Variants in FLNC observed in about 807,000 individuals in gnomAD.
FLNC encodes filamin-C.
In FLNC, 91 loss-of-function variants were observed where a neutral mutation model predicts 254.3. The ratio of observed to expected loss-of-function variants is 0.36; its 90% confidence interval spans 0.30 to 0.43. The LOEUF (loss-of-function observed/expected upper bound fraction) is 0.43, where lower values mean the gene tolerates loss of function less well. FLNC is among the 20% of genes least tolerant of loss of function. The pLI, the probability that FLNC is intolerant of heterozygous loss-of-function variation, is 1.00. For synonymous variants in FLNC, 1,430 were observed against 1,577.2 expected (o/e 0.91, Z 2.21); for missense variants, 2,853 against 3,802.6 (o/e 0.75, Z 6.57).
At chr7:128,839,075 A>C (rs910731014) in intron 8 of FLNC, among the ~76,000 whole-genome samples, 2 of 152,186 alleles carry the variant, frequency 1.3e-5, no homozygotes, top group African/African-American at 4.8e-5. Flanking sequence ...CCAAGCCCTC[A>C]GGTGGTGACT....
rs78407667 is a variant in FLNC at position 128,853,370 on chromosome 7, G to C, written c.6209-99G>C. On this transcript the variant is annotated intron_variant, in intron 37 of 47. Coordinates refer to ENST00000325888, the MANE Select transcript of FLNC (RefSeq NM_001458.5). Reference sequence around the variant, plus strand: ...TTTGTTAGTGGTCACTACACACATCGGTGCCCATTCTGGGTGGAGCCTGCA... The same window carrying C: ...TTTGTTAGTGGTCACTACACACATCCGTGCCCATTCTGGGTGGAGCCTGCA... 37 of 1,463,758 alleles carry C rather than the reference G, an allele frequency of 2.5e-5. 1 individual carries two copies. Among genetic ancestry groups the C allele is most frequent in the Middle Eastern group, 4.5e-4 (2 of 4,438 alleles). The allele number at this position is 1,463,758 out of a possible 1,614,324, so 90.7% of individuals were successfully genotyped here.
intron 18 of FLNC, 53 bp downstream of exon 18, chr7:128,843,630 G>A (rs894293283): frequency 1.2e-6 from 2 of 1,601,162 alleles, no homozygotes; most frequent in African/African-American, 2.7e-5. Flanking sequence ...AGAGCCCTGG[G>A]TCTCCCTCCT....
rs760533029 is a variant in FLNC at position 128,856,568 on chromosome 7, C to T, written c.7302C>T (p.Asn2434=). The T allele has an allele frequency of 8.1e-6, 13 of 1,612,798 alleles. No homozygotes were observed. Among genetic ancestry groups the T allele is most frequent in the Middle Eastern group, 1.6e-4 (1 of 6,084 alleles). ...CAGCGTCCTTTGCCGTGCAGCTGAA[C>T]GGTGCCCGGGGCGTGATTGATGCCC... The part of the protein sequence containing the change: ...NQPASFAVQL[N]GARGVIDARV... Residue 2434 remains asparagine (N), a synonymous_variant, in exon 44 of 48, where the codon AAC becomes AAT. Coordinates refer to ENST00000325888, the MANE Select transcript of FLNC (RefSeq NM_001458.5). The surrounding 1 kb of genome is among the most constrained non-coding windows in gnomAD (Gnocchi z 5.9).
intron 20 of FLNC, 142 bp downstream of exon 20, chr7:128,844,408 C>T: frequency 5.5e-6 from 6 of 1,084,188 alleles, no homozygotes; most frequent in Non-Finnish European, 7.8e-6. Context: ...AGCCCCACCC[C>T]ACCACCTGCC....
At position 128,841,408 on chromosome 7, in the gene FLNC, C is replaced by T; in HGVS notation, c.2007+45C>T. ...ACACCTGCCCCGGGGGTGGGGCAAG[C>T]TGGTTCTCCTCCCCTCCCCAACTCA... On this transcript the variant is annotated intron_variant, in intron 12 of 47. Coordinates refer to ENST00000325888, the MANE Select transcript of FLNC (RefSeq NM_001458.5). The surrounding 1 kb of genome is among the most constrained non-coding windows in gnomAD (Gnocchi z 4.3). 6.2e-7 allele frequency: 1 copy of T among 1,612,236 alleles called. No individual in the cohort carries two copies. Among genetic ancestry groups the T allele is most frequent in the East Asian group, 2.2e-5 (1 of 44,878 alleles).
Position 128,849,450 on chromosome 7 carries a change from G to C in FLNC, c.5071G>C (p.Asp1691His). The change falls in exon 30 of 48, where the codon GAT (aspartate) becomes CAT (histidine). Residue 1691 changes from aspartate to histidine, a missense_variant. Around this residue, in one of 10 missense-constraint regions of FLNC, gnomAD observed 258 missense variants for 312.3 expected, o/e 0.83. Transcript: ENST00000325888. ...TVSTPDGAEL[D>H]VDVVENHDGT... ...GTCCACGCCGGATGGGGCAGAGCTC[G>C]ATGTGGATGTGGTTGAGAACCATGA... is the stretch of plus-strand genomic sequence containing the variant. 6.2e-7 allele frequency: 1 copy of C among 1,614,228 alleles called. No individual in the cohort carries two copies. The highest frequency in any genetic ancestry group is 8.5e-7 in the Non-Finnish European group (1 of 1,180,042).
At chr7:128,833,307 T>G (rs1230573453) in intron 1 of FLNC, among the ~76,000 whole-genome samples, 1 of 152,056 alleles carries the variant, frequency 6.6e-6, no homozygotes, top group Non-Finnish European at 1.5e-5. Flanking sequence ...AGCCCTCTCC[T>G]CCCCCTCCAT....
chr7:128,845,918 G>A (rs1808542986), intron 21 of FLNC, 72 bp from the exon 22 acceptor site: 11 of 1,366,308 alleles, frequency 8.1e-6, no homozygotes, highest in Admixed American at 1.7e-5. Flanking sequence ...GGGAAAGGAG[G>A]GGGAGAGGAG....
chr7:128,853,710 T>C lies in FLNC; in HGVS notation c.6362-5T>C. 6.2e-7 allele frequency: 1 copy of C among 1,613,884 alleles called. No individual in the cohort carries two copies. Among genetic ancestry groups the C allele is most frequent in the East Asian group, 2.2e-5 (1 of 44,882 alleles). On this transcript the variant is annotated splice_polypyrimidine_tract_variant and splice_region_variant and intron_variant, in intron 38 of 47. Coordinates refer to ENST00000325888, the MANE Select transcript of FLNC (RefSeq NM_001458.5). ...TTCCTGACCCACCCTTTGTCCCCAC[T>C]TCAGGAAGCCCCTTCACTGTGAAGG...
rs201926772 is a variant in FLNC, at chr7:128,850,060, C to T, written c.5284C>T (p.Arg1762Cys). 259 of 1,540,606 alleles carry T rather than the reference C, an allele frequency of 1.7e-4. 2 individuals are homozygous for T. Among genetic ancestry groups the T allele is most frequent in the Middle Eastern group, 1.5e-3 (9 of 5,918 alleles). Reference sequence around the variant, plus strand: ...CTACGCTCCTCCCCGGCCCGGCGCCCGCCCCACACACTGGGTACTGCGCCT... The same window carrying T: ...CTACGCTCCTCCCCGGCCCGGCGCCTGCCCCACACACTGGGTACTGCGCCT... Reference protein sequence around the residue: ...QPYAPPRPGARPTHWATEEPV... With the variant: ...QPYAPPRPGACPTHWATEEPV... The change falls in exon 31 of 48, where the codon CGC (arginine) becomes TGC (cysteine). Residue 1762 changes from arginine (R) to cysteine (C), a missense_variant. This residue lies in a region of FLNC where 258 missense variants were observed against 312.3 expected (regional missense o/e 0.83). Transcript: ENST00000325888.
In FLNC at chr7:128,841,090, G is replaced by A. The variant is rs1301468961; in HGVS notation, c.1814-80G>A. ...TGGGGTGAGCAGGGAGATAGGACAT[G>A]AGGGCAGCTAGAGGGGAGCTGGGGG... On this transcript the variant is annotated intron_variant, in intron 11 of 47. Transcript: ENST00000325888. The surrounding 1 kb of genome is among the most constrained non-coding windows in gnomAD (Gnocchi z 4.3). 1 of 1,582,276 alleles carries A rather than the reference G, an allele frequency of 6.3e-7. No homozygotes were observed. The highest frequency in any genetic ancestry group is 8.6e-7 in the Non-Finnish European group (1 of 1,156,544).
In FLNC at chr7:128,847,550, T is replaced by A; in HGVS notation, c.4289-147T>A. The A allele has an allele frequency of 4.6e-6, 4 of 869,772 alleles. No individual in the cohort carries two copies. The Admixed American group carries it at 8.2e-5, about 18-fold the overall frequency. The allele number at this position is 869,772 out of a possible 1,614,324, so 53.9% of individuals were successfully genotyped here. Reference sequence around the variant, plus strand: ...TCATTTATTCTTGTGTGTGTTTTCTTAGCAAGTTCCTAGCCATTTTCCCAT... The same window carrying A: ...TCATTTATTCTTGTGTGTGTTTTCTAAGCAAGTTCCTAGCCATTTTCCCAT... On this transcript the variant is annotated intron_variant, in intron 24 of 47. Transcript: ENST00000325888.
At chr7:128,845,404 C>A in intron 21 of FLNC, 149 bp downstream of exon 21, 1 of 731,436 alleles carries the variant, frequency 1.4e-6, no homozygotes, top group Non-Finnish European at 2.4e-6. Context: ...CCTTACTGGC[C>A]CAGAAACCCC....
At chr7:128,849,862 A>G (rs951379267) in intron 30 of FLNC, 114 bp from the exon 31 acceptor site, 2 of 848,864 alleles carry the variant, frequency 2.4e-6, no homozygotes, top group Non-Finnish European at 3.9e-6. Context: ...GCCCTGCAGG[A>G]GGATGAACAC....
Position 128,857,475 on chromosome 7 carries a change from T to G in FLNC, c.7780+139T>G. ...TACCAGGGCTAGAGGTGGGCCTGGC[T>G]CTACACAGTACACGTTCTGTGGAGT... On this transcript the variant is annotated intron_variant, in intron 46 of 47. Transcript: ENST00000325888. This position sits in a 1 kb window ranked among gnomAD's most constrained non-coding sequence, Gnocchi z 4.5. The G allele has an allele frequency of 1.5e-6, 1 of 656,846 alleles. No individual in the cohort carries two copies. The highest frequency in any genetic ancestry group is 2.7e-6 in the Non-Finnish European group (1 of 365,122). 40.7% of individuals were successfully genotyped at this position (656,846 alleles called of 1,614,324 possible).
intron 1 of FLNC, among the ~76,000 whole-genome samples, chr7:128,833,715 C>G (rs111893767): frequency 1.3e-5 from 2 of 152,172 alleles, no homozygotes; most frequent in East Asian, 3.8e-4. Context: ...TGGAGGCTGT[C>G]GGGGTTGTGA....
In FLNC at chr7:128,856,767, C is replaced by T; in HGVS notation, c.7407C>T (p.Ile2469=). 1 of 1,614,218 alleles carries T rather than the reference C, an allele frequency of 6.2e-7. No homozygotes were observed. The highest frequency in any genetic ancestry group is 8.5e-7 in the Non-Finnish European group (1 of 1,180,038). The change falls in exon 45 of 48, where the codon ATC becomes ATT. Residue 2469 remains isoleucine (I), a synonymous_variant. Transcript: ENST00000325888. This position sits in a 1 kb window ranked among gnomAD's most constrained non-coding sequence, Gnocchi z 5.9. Reference sequence around the variant, plus strand: ...CAGACAAGCACACCATCCGCTTCATCCCCCACGAGAATGGCGTCCACTCCA... The same window carrying T: ...CAGACAAGCACACCATCCGCTTCATTCCCCACGAGAATGGCGTCCACTCCA... ...LDSDKHTIRF[I]PHENGVHSID...
rs369861418 is a variant in FLNC at position 128,856,494 on chromosome 7, G to A, written c.7252-24G>A. 5 of 1,609,478 alleles carry A rather than the reference G, an allele frequency of 3.1e-6. No individual in the cohort carries two copies. In the African/African-American group the frequency reaches 6.7e-5, roughly 21 times the overall value. Reference sequence around the variant, plus strand: ...TCCAGCCCCGGCCTCCCAGGAGTCTGAGCATCCTCCGTGGCCTTTGCAGGA... The same window carrying A: ...TCCAGCCCCGGCCTCCCAGGAGTCTAAGCATCCTCCGTGGCCTTTGCAGGA... On this transcript the variant is annotated intron_variant, in intron 43 of 47. Transcript: ENST00000325888. The surrounding 1 kb of genome is among the most constrained non-coding windows in gnomAD (Gnocchi z 5.9).
Position 128,838,626 on chromosome 7 carries a change from G to C in FLNC, c.1234G>C (p.Val412Leu). The C allele has an allele frequency of 6.2e-7, 1 of 1,613,076 alleles. No individual in the cohort carries two copies. Among genetic ancestry groups the C allele is most frequent in the Non-Finnish European group, 8.5e-7 (1 of 1,180,012 alleles). ...TAGAGTGDVA[V>L]VIVDPQGRRD... ...AGGGGCCGGCACTGGCGATGTTGCT[G>C]TGGTGATCGTGGACCCACAGGGCCG... is the stretch of plus-strand genomic sequence containing the variant. Residue 412 changes from valine to leucine, a missense_variant, in exon 8 of 48, where the codon GTG becomes CTG. Around this residue, in one of 10 missense-constraint regions of FLNC, gnomAD observed 1,573 missense variants for 1,883.5 expected, o/e 0.84. Coordinates refer to ENST00000325888, the MANE Select transcript of FLNC (RefSeq NM_001458.5).
Sources: gnomAD v4.1 joint callset for allele counts (sites outside exome capture counted in the v4.1 genomes callset) on GRCh38, gnomAD v4.1.1 for gene constraint, gnomAD v4.1.1 regional missense constraint, Gnocchi (gnomAD v3.1) non-coding constraint, MANE v1.5 for transcripts, NCBI Gene and HGNC (gene_info 2026-07-23, HGNC 2026-07-21) for gene names.